Variants in DNAH8 observed in about 807,000 individuals in gnomAD.
DNAH8 encodes dynein axonemal heavy chain 8.
A neutral mutation model predicts 562.1 loss-of-function variants in DNAH8; 382 were observed. The observed-to-expected ratio is 0.68, with a 90% CI of 0.63 to 0.74. The LOEUF (loss-of-function observed/expected upper bound fraction) is 0.74. Ranked by LOEUF, DNAH8 falls within the 30% of genes least tolerant of loss-of-function variation. DNAH8 has a pLI of 0.00. For missense variants in DNAH8, 5,203 were observed against 5,620.4 expected, an observed-to-expected ratio of 0.93 and a Z score of 2.37; for synonymous variants, 1,881 against 1,919.4, an observed-to-expected ratio of 0.98 and a Z score of 0.52.
At chr6:38,808,720 GA>G (rs1196837267) in intron 24 of DNAH8, among the ~76,000 whole-genome samples, 1 of 152,190 alleles carries the variant, frequency 6.6e-6, no homozygotes. Context: ...ACAGGATAAA[GA>G]AAATGTGGCA....
At chr6:38,848,553 C>T (rs971502517) in intron 36 of DNAH8, 95 bp from the exon 37 acceptor site, 7 of 1,012,734 alleles carry the variant, frequency 6.9e-6, no homozygotes, top group Non-Finnish European at 7.2e-6. Flanking sequence ...ACATTCATTC[C>T]CAAAGTAATA....
At chr6:38,805,193 T>C (rs539772518) in intron 22 of DNAH8, among the ~76,000 whole-genome samples, 1 of 152,220 alleles carries the variant, frequency 6.6e-6, no homozygotes, top group South Asian at 2.1e-4. Context: ...GATAGACAGA[T>C]AATTTACAAA....
At chr6:38,956,233 C>A (rs1428021326) in intron 82 of DNAH8, among the ~76,000 whole-genome samples, 1 of 152,214 alleles carries the variant, frequency 6.6e-6, no homozygotes, top group African/African-American at 2.4e-5. Flanking sequence ...TGTACCCCAG[C>A]AGATACCAAG....
chr6:38,954,178 G>A (rs567499158), intron 82 of DNAH8, among the ~76,000 whole-genome samples: 52 of 152,276 alleles, frequency 3.4e-4, no homozygotes, highest in African/African-American at 1.2e-3. Flanking sequence ...TGGGCAAAGT[G>A]GAGAAAGCAG....
At chr6:38,918,274 C>G (rs890747307) in intron 70 of DNAH8, 134 bp downstream of exon 70, 4 of 595,026 alleles carry the variant, frequency 6.7e-6, no homozygotes, top group Non-Finnish European at 1.1e-5. Context: ...TGTCTTTTTT[C>G]TCTATGTCCT....
chr6:38,834,697 G>T, intron 32 of DNAH8, 56 bp downstream of exon 32: 1 of 1,347,840 alleles, frequency 7.4e-7, no homozygotes, highest in South Asian at 1.3e-5. Context: ...AAATTATTTT[G>T]GGGAAAGATG....
chr6:38,839,487 G>A (rs1774592153), intron 33 of DNAH8, among the ~76,000 whole-genome samples: 1 of 151,736 alleles, frequency 6.6e-6, no homozygotes, highest in East Asian at 1.9e-4. Context: ...CCAGGTAGTG[G>A]GGATTATAGG....
intron 82 of DNAH8, among the ~76,000 whole-genome samples, chr6:38,958,616 T>C (rs1411901343): frequency 8.4e-6 from 1 of 119,508 alleles, no homozygotes; most frequent in Non-Finnish European, 1.6e-5. Flanking sequence ...TAATGAGTAA[T>C]GAGATTGAAT....
Position 38,866,754 on chromosome 6 carries a change from T to A in DNAH8, c.6586-15T>A. On this transcript the variant is annotated splice_polypyrimidine_tract_variant and intron_variant, in intron 46 of 92. Coordinates refer to ENST00000327475, the MANE Select transcript of DNAH8 (RefSeq NM_001206927.2). ...TTCACTAAAGTTGAAAAAAACTCAC[T>A]ATATTAATTTTCAGATCATTATGAG... 1 of 1,602,348 alleles carries A rather than the reference T, an allele frequency of 6.2e-7. No individual in the cohort carries two copies. Among genetic ancestry groups the A allele is most frequent in the Middle Eastern group, 1.7e-4 (1 of 6,030 alleles).
intron 77 of DNAH8, among the ~76,000 whole-genome samples, chr6:38,937,284 A>T (rs1255157542): frequency 1.3e-5 from 2 of 152,186 alleles, no homozygotes; most frequent in Admixed American, 6.5e-5. Context: ...CAGCAAACAA[A>T]CATGGCCCAT....
chr6:38,942,604 T>C (rs919870513), intron 79 of DNAH8, among the ~76,000 whole-genome samples: 3 of 151,782 alleles, frequency 2.0e-5, no homozygotes, highest in African/African-American at 7.3e-5. Context: ...AGACTAGAGG[T>C]CAAACCAAAA....
chr6:39,021,534 C>T (rs1000934786), intron 91 of DNAH8, among the ~76,000 whole-genome samples: 52 of 152,174 alleles, frequency 3.4e-4, no homozygotes, highest in African/African-American at 9.7e-4. Flanking sequence ...AGCAAAGAAC[C>T]GGGGAAGGTG....
At chr6:38,970,314 C>T (rs996597005) in intron 82 of DNAH8, among the ~76,000 whole-genome samples, 1 of 152,178 alleles carries the variant, frequency 6.6e-6, no homozygotes, top group Non-Finnish European at 1.5e-5. Flanking sequence ...ATTCAAGTCA[C>T]GCCTCTCCTT....
At chr6:38,804,922 G>A (rs1194676729) in intron 22 of DNAH8, among the ~76,000 whole-genome samples, 1 of 140,056 alleles carries the variant, frequency 7.1e-6, no homozygotes, top group Non-Finnish European at 1.6e-5. Flanking sequence ...GGGTGGCCGG[G>A]GGGGAGGGGG....
chr6:38,759,553 T>G (rs1185853186), intron 10 of DNAH8, among the ~76,000 whole-genome samples: 1 of 152,188 alleles, frequency 6.6e-6, no homozygotes, highest in African/African-American at 2.4e-5. Flanking sequence ...ATTGAGATCA[T>G]TTTTAGTTCT....
chr6:38,776,043 T>A (rs1768033211), intron 13 of DNAH8, 92 bp downstream of exon 13: 4 of 789,848 alleles, frequency 5.1e-6, no homozygotes, highest in Non-Finnish European at 8.4e-6. Context: ...ATGTAGTAAG[T>A]GTTTCTATAT....
rs151267383 is a variant in DNAH8 at position 38,826,844 on chromosome 6, T to G, written c.4083+453T>G. ...AGGCTCCATAGTAAACTGTTGGAAC[T>G]TACATCAATGAAAAATGTTTTTAGG... On this transcript the variant is annotated intron_variant, in intron 29 of 92. Transcript: ENST00000327475. Among the ~76,000 whole-genome samples the G allele has an allele frequency of 5.9e-3, 903 of 152,312 alleles. 12 individuals carry two copies. Among genetic ancestry groups the G allele is most frequent in the African/African-American group, 0.02 (830 of 41,572 alleles).
intron 80 of DNAH8, among the ~76,000 whole-genome samples, chr6:38,946,549 G>A (rs545594146): frequency 1.3e-5 from 2 of 152,176 alleles, no homozygotes; most frequent in African/African-American, 4.8e-5. Flanking sequence ...GATGGTTCAC[G>A]CCTGTAATCC....
At chr6:38,917,154 C>T (rs1781365907) in intron 68 of DNAH8, 85 bp from the exon 69 acceptor site, 1 of 973,876 alleles carries the variant, frequency 1.0e-6, no homozygotes, top group Admixed American at 3.1e-5. Context: ...AGTTTTCTAT[C>T]TTAATTATTG....
Sources: allele counts gnomAD v4.1 joint callset (sites outside exome capture counted in the v4.1 genomes callset), GRCh38; gene constraint gnomAD v4.1.1; transcripts MANE v1.5; gene names NCBI Gene and HGNC (gene_info 2026-07-23, HGNC 2026-07-21).